SOX5: variants seen among roughly 807,000 people sequenced by gnomAD.
SOX5 encodes the protein transcription factor SOX-5.
In SOX5, 9 loss-of-function variants were observed where a neutral mutation model predicts 92.0. The ratio of observed to expected loss-of-function variants is 0.10; its 90% CI spans 0.06 to 0.17. SOX5 has a LOEUF of 0.17. Among genes scored for constraint, SOX5 ranks in the 10% least tolerant of loss-of-function variants. SOX5 has a pLI of 1.00. For missense variants in SOX5, 642 were observed against 944.5 expected (o/e 0.68, Z 4.20); for synonymous variants, 344 against 336.3 (o/e 1.02, Z -0.25).
At position 23,807,141 on chromosome 12, in the gene SOX5, T is replaced by C. The variant is rs150632077; in HGVS notation, c.481+38842A>G. On this transcript the variant is annotated intron_variant, in intron 3 of 14. Coordinates refer to ENST00000451604, the MANE Select transcript of SOX5 (RefSeq NM_006940.6). ...AATATTTAATTTTATGTGACATCAA[T>C]TTAAACTCATACCGTGATTAGATTA... is the stretch of plus-strand genomic sequence containing the variant. Among the ~76,000 whole-genome samples the C allele has an allele frequency of 1.2e-4, 18 of 152,308 alleles. No individual in the cohort carries two copies. In the East Asian group the frequency reaches 2.1e-3, roughly 18 times the overall value.
In SOX5 at chr12:23,768,203, C is replaced by T. The variant is rs1050078660; in HGVS notation, c.482-12479G>A. Among the ~76,000 whole-genome samples, 5 of 152,156 alleles carry T rather than the reference C, an allele frequency of 3.3e-5. 1 individual carries two copies. The highest frequency in any genetic ancestry group is 1.3e-4 in the Admixed American group (2 of 15,284). On this transcript the variant is annotated intron_variant, in intron 3 of 14. Coordinates refer to ENST00000451604, the MANE Select transcript of SOX5 (RefSeq NM_006940.6). ...GTATTTCATCTCAAAGGGATGGATG[C>T]GTCCAATAAAATAAGAGACCACCCA...
intron 4 of SOX5, among the ~76,000 whole-genome samples, chr12:24,000,883 A>C (rs1033629458): frequency 1.3e-5 from 2 of 152,208 alleles, no homozygotes; most frequent in African/African-American, 4.8e-5. Context: ...AAATCCTAAA[A>C]GAGTTAGGAA....
intron 3 of SOX5, among the ~76,000 whole-genome samples, chr12:23,825,734 G>A (rs1165375909): frequency 6.6e-6 from 1 of 152,046 alleles, no homozygotes; most frequent in Non-Finnish European, 1.5e-5. Context: ...TAATATTTTA[G>A]AAGGTTTCAT....
chr12:24,035,902 T>G (rs1336874361), intron 4 of SOX5, among the ~76,000 whole-genome samples: 2 of 152,042 alleles, frequency 1.3e-5, no homozygotes, highest in East Asian at 3.9e-4. Context: ...TGGGTGATTA[T>G]CCTTCCGAGT....
At chr12:23,676,939 C>T (rs570207262) in intron 6 of SOX5, among the ~76,000 whole-genome samples, 2 of 152,270 alleles carry the variant, frequency 1.3e-5, no homozygotes, top group South Asian at 2.1e-4. Context: ...ATCCACAATA[C>T]CTAGCTTAAT....
chr12:24,561,599 G>C (rs1051661178), intron 1 of SOX5, among the ~76,000 whole-genome samples: 6 of 152,138 alleles, frequency 3.9e-5, no homozygotes, highest in African/African-American at 1.4e-4. Flanking sequence ...CAACACGTGA[G>C]TGGTCTTCAC....
chr12:24,534,744 C>A (rs1052640993), intron 1 of SOX5, among the ~76,000 whole-genome samples: 1 of 152,178 alleles, frequency 6.6e-6, no homozygotes, highest in African/African-American at 2.4e-5. Context: ...GAAGTCTGTG[C>A]ATCCAAAGCC....
At chr12:24,437,355 A>G (rs942539801) in intron 1 of SOX5, among the ~76,000 whole-genome samples, 3 of 152,236 alleles carry the variant, frequency 2.0e-5, no homozygotes, top group African/African-American at 7.2e-5. Flanking sequence ...TGAGACCTAG[A>G]ACTATAAAAA....
At chr12:24,349,403 T>G (rs1374768006) in intron 2 of SOX5, among the ~76,000 whole-genome samples, 2 of 152,166 alleles carry the variant, frequency 1.3e-5, no homozygotes, top group Non-Finnish European at 2.9e-5. Flanking sequence ...AAACTGAAGG[T>G]CTATAGCCCT....
intron 4 of SOX5, among the ~76,000 whole-genome samples, chr12:23,968,779 T>C (rs1947887740): frequency 6.6e-6 from 1 of 152,234 alleles, no homozygotes; most frequent in African/African-American, 2.4e-5. Context: ...CCCTGCTTTT[T>C]ATCCTACCTC....
At chr12:24,516,126 T>A (rs565853211) in intron 1 of SOX5, among the ~76,000 whole-genome samples, 1 of 151,366 alleles carries the variant, frequency 6.6e-6, no homozygotes, top group South Asian at 2.1e-4. Context: ...CACTGCAGCC[T>A]CAACCTTCCG....
At chr12:23,538,799 C>CTTTTTTTTT (rs67268404) in intron 13 of SOX5, among the ~76,000 whole-genome samples, 11 of 108,142 alleles carry the variant, frequency 1.0e-4, no homozygotes, top group Non-Finnish European at 1.5e-4. Context: ...CCAGCATTTT[C>CTTTTTTTTT]TTTTTTTTTT....
At chr12:23,923,831 A>T (rs1384433563) in intron 1 of SOX5, among the ~76,000 whole-genome samples, 2 of 152,090 alleles carry the variant, frequency 1.3e-5, no homozygotes, top group Non-Finnish European at 2.9e-5. Context: ...TTTCAACCCT[A>T]TTCTGGGGTG....
intron 3 of SOX5, among the ~76,000 whole-genome samples, chr12:23,835,526 G>A (rs1051666121): frequency 2.6e-5 from 4 of 151,554 alleles, no homozygotes; most frequent in African/African-American, 9.7e-5. Flanking sequence ...TTTTTCTTAA[G>A]GTACCCTCCA....
At chr12:23,946,149 A>C (rs1032781051) in intron 1 of SOX5, among the ~76,000 whole-genome samples, 13 of 152,138 alleles carry the variant, frequency 8.5e-5, no homozygotes, top group Admixed American at 8.5e-4. Flanking sequence ...AGGTTTTACT[A>C]TTGTAGTGTT....
chr12:23,555,174 T>C (rs370310566), intron 11 of SOX5, among the ~76,000 whole-genome samples: 1 of 152,212 alleles, frequency 6.6e-6, no homozygotes, highest in East Asian at 1.9e-4. Flanking sequence ...CTTTTATCTA[T>C]GCATTATGGA....
At chr12:23,792,230 G>T (rs1299348547) in intron 3 of SOX5, among the ~76,000 whole-genome samples, 3 of 151,898 alleles carry the variant, frequency 2.0e-5, no homozygotes, top group Non-Finnish European at 4.4e-5. Context: ...TGTCTACAAT[G>T]GGAATATAGA....
At chr12:24,268,263 A>G in intron 3 of SOX5, among the ~76,000 whole-genome samples, 1 of 152,218 alleles carries the variant, frequency 6.6e-6, no homozygotes, top group East Asian at 1.9e-4. Flanking sequence ...GAGCACGAAG[A>G]CAATCAAGTA....
chr12:24,460,803 G>T (rs1432411437), intron 1 of SOX5: 2 of 152,138 alleles, frequency 1.3e-5, no homozygotes, highest in East Asian at 3.9e-4. Flanking sequence ...CAAGAAAGCA[G>T]CAGTGGTAAC....
Sources: gnomAD v4.1 joint callset for allele counts (sites outside exome capture counted in the v4.1 genomes callset) on GRCh38, gnomAD v4.1.1 for gene constraint, MANE v1.5 for transcripts, NCBI Gene and HGNC (gene_info 2026-07-23, HGNC 2026-07-21) for gene names.